Variants in GRIK1 observed in about 807,000 individuals in gnomAD.
The protein encoded by GRIK1 is glutamate ionotropic receptor kainate type subunit 1, also known as glutamate receptor ionotropic, kainate 1.
In GRIK1, 69 loss-of-function variants were observed where a neutral mutation model predicts 105.7. The observed-to-expected ratio is 0.65, with a 90% CI of 0.54 to 0.80. GRIK1 has a LOEUF of 0.80. GRIK1 is among the 30% of genes least tolerant of loss of function. The probability of loss-of-function intolerance (pLI) is 0.00; values close to 1 mark genes in which losing one functional copy is unlikely to be tolerated. For missense variants in GRIK1, 1,109 were observed against 1,167.3 expected, an observed-to-expected ratio of 0.95 and a Z score of 0.73; for synonymous variants, 438 against 431.3, an observed-to-expected ratio of 1.02 and a Z score of -0.19.
chr21:29,802,931 G>A (rs887515486), intron 1 of GRIK1, among the ~76,000 whole-genome samples: 1 of 152,180 alleles, frequency 6.6e-6, no homozygotes. Context: ...ATGCATGGCT[G>A]AAATGTGCTG....
In GRIK1 at chr21:29,929,677, C is replaced by T. The variant is rs543769409; in HGVS notation, c.118+9706G>A. Reference sequence around the variant, plus strand: ...AGAAAAGAAAATTAACAAATGCTGGCGAGGATGTGGTGAAAAGGCAACTCT... The same window carrying T: ...AGAAAAGAAAATTAACAAATGCTGGTGAGGATGTGGTGAAAAGGCAACTCT... On this transcript the variant is annotated intron_variant, in intron 1 of 17. Coordinates refer to ENST00000327783, the MANE Select transcript of GRIK1 (RefSeq NM_001330994.2). Among the ~76,000 whole-genome samples the T allele has an allele frequency of 1.2e-4, 19 of 152,100 alleles. No individual in the cohort carries two copies. In the South Asian group the frequency reaches 2.9e-3, roughly 23 times the overall value.
Position 29,939,497 on chromosome 21 carries a change from C to A in GRIK1, c.4G>T (p.Glu2Ter). The A allele has an allele frequency of 6.4e-7, 1 of 1,569,082 alleles. No individual in the cohort carries two copies. The highest frequency in any genetic ancestry group is 8.7e-7 in the Non-Finnish European group (1 of 1,155,780). ...GGCTGGGCGAGGAGTGTGCCGTGCTCCATCTTCCTAGCTTCTTAATTCATG... is the reference window on the plus strand; with the variant it reads ...GGCTGGGCGAGGAGTGTGCCGTGCTACATCTTCCTAGCTTCTTAATTCATG... The part of the protein sequence containing the change: M[E>*]HGTLLAQPGL... Residue 2 changes from glutamate (E) to a stop codon, truncating the protein, a stop_gained, in exon 1 of 18, where the codon GAG (glutamate) becomes TAG (stop). Transcript: ENST00000327783. LOFTEE classifies it high-confidence loss of function.
chr21:29,644,179 A>G (rs2062571274), intron 6 of GRIK1, among the ~76,000 whole-genome samples: 1 of 152,180 alleles, frequency 6.6e-6, no homozygotes, highest in Admixed American at 6.5e-5. Context: ...GACAGGGGTT[A>G]CTATATCTCA....
At chr21:29,775,314 C>T (rs1035615499) in intron 1 of GRIK1, among the ~76,000 whole-genome samples, 5 of 149,196 alleles carry the variant, frequency 3.4e-5, no homozygotes, top group African/African-American at 9.9e-5. Flanking sequence ...CCAATAGTTG[C>T]TTTGTCAATA....
intron 7 of GRIK1, among the ~76,000 whole-genome samples, chr21:29,614,974 G>T (rs1411317318): frequency 6.6e-6 from 1 of 151,516 alleles, no homozygotes; most frequent in Admixed American, 6.6e-5. Flanking sequence ...GGTATCTCTT[G>T]TGTACACTAA....
chr21:29,908,154 T>C (rs191412984), intron 1 of GRIK1, among the ~76,000 whole-genome samples: 207 of 152,236 alleles, frequency 1.4e-3, no homozygotes, highest in African/African-American at 4.9e-3. Context: ...CCAATTTCTA[T>C]AGCCGAAAAA....
chr21:29,591,169 C>G lies in GRIK1; in HGVS notation c.1308G>C (p.Lys436Asn). 6.2e-7 allele frequency: 1 copy of G among 1,612,414 alleles called. No individual in the cohort carries two copies. The highest frequency in any genetic ancestry group is 8.5e-7 in the Non-Finnish European group (1 of 1,178,454). The stretch of plus-strand genomic sequence containing the variant: ...CCAATGAATCAGTGATATTGCTGGA[C>G]TTGTCTTTGTTGCTGTCCGTCATGT... ...GLNMTDSNKDKSSNITDSLAN... is the reference protein window; with the variant it reads ...GLNMTDSNKDNSSNITDSLAN... Residue 436 changes from lysine (K) to asparagine (N), a missense_variant, in exon 10 of 18, where the codon AAG (lysine) becomes AAC (asparagine). By Grantham distance (94) the Lys-to-Asn change is moderately conservative. This residue lies in a region of GRIK1 where 612 missense variants were observed against 586.0 expected (regional missense o/e 1.04). Transcript: ENST00000327783.
chr21:29,661,829 C>G (rs1008959543), intron 4 of GRIK1, among the ~76,000 whole-genome samples: 1 of 152,130 alleles, frequency 6.6e-6, no homozygotes, highest in African/African-American at 2.4e-5. Context: ...TGACTTTTTT[C>G]ATTTGAGGTT....
chr21:29,924,060 C>G (rs773349624), intron 1 of GRIK1, among the ~76,000 whole-genome samples: 4 of 152,038 alleles, frequency 2.6e-5, no homozygotes, highest in Non-Finnish European at 5.9e-5. Context: ...AAGGTTAAGG[C>G]CGGGCGCGGT....
Position 29,888,199 on chromosome 21 carries a change from C to CTTTCTTCCTT in GRIK1, c.118+51183_118+51184insAAGGAAGAAA, listed in dbSNP as rs1391865067. Among the ~76,000 whole-genome samples the CTTTCTTCCTT allele has an allele frequency of 7.6e-4, 12 of 15,818 alleles. 1 individual carries two copies. The highest frequency in any genetic ancestry group is 3.7e-3 in the South Asian group (1 of 272). 10.4% of individuals were successfully genotyped at this position (15,818 alleles called of 152,430 possible). A position where few individuals can be genotyped will look rare whatever the true frequency, so the allele number is the denominator to read the frequency against. On this transcript the variant is annotated intron_variant, in intron 1 of 17. Coordinates refer to ENST00000327783, the MANE Select transcript of GRIK1 (RefSeq NM_001330994.2). ...TTTCTTTCTTCCTTTCTTTCTTTCT[C>CTTTCTTCCTT]TCTCTCTCTCTCTCTCTCTCTCTCT...
chr21:29,721,824 CCTTCAATAGCCT>C (rs1165735401), intron 1 of GRIK1, among the ~76,000 whole-genome samples: 1 of 152,060 alleles, frequency 6.6e-6, no homozygotes, highest in East Asian at 1.9e-4. Flanking sequence ...TTCCATCTAC[CCTTCAATAGCCT>C]CTCCTGCATC....
At chr21:29,750,185 C>CAA (rs751685660) in intron 1 of GRIK1, among the ~76,000 whole-genome samples, 4 of 151,442 alleles carry the variant, frequency 2.6e-5, no homozygotes, top group Non-Finnish European at 5.9e-5. Context: ...AACTAGTCAC[C>CAA]CTATTTTTAG....
At chr21:29,620,814 TATATA>T (rs1568897742) in intron 7 of GRIK1, among the ~76,000 whole-genome samples, 3 of 106,452 alleles carry the variant, frequency 2.8e-5, no homozygotes, top group African/African-American at 1.7e-4. Flanking sequence ...TAGATATATA[TATATA>T]GTAATAATAT....
intron 1 of GRIK1, among the ~76,000 whole-genome samples, chr21:29,848,813 G>C (rs2068219970): frequency 8.4e-6 from 1 of 118,950 alleles, no homozygotes; most frequent in African/African-American, 3.7e-5. Flanking sequence ...CACCTTAGCT[G>C]TTTGGTATAC....
intron 1 of GRIK1, among the ~76,000 whole-genome samples, chr21:29,877,974 G>A (rs1032293263): frequency 3.3e-5 from 5 of 152,154 alleles, no homozygotes; most frequent in African/African-American, 4.8e-5. Context: ...TTGAATATAG[G>A]TGGAATGTGG....
At chr21:29,935,153 G>A (rs1326217185) in intron 1 of GRIK1, among the ~76,000 whole-genome samples, 2 of 152,152 alleles carry the variant, frequency 1.3e-5, no homozygotes. Flanking sequence ...TATGCACTTG[G>A]AAGCTAGAAC....
intron 1 of GRIK1, among the ~76,000 whole-genome samples, chr21:29,815,272 C>T (rs1005409436): frequency 3.3e-5 from 5 of 152,150 alleles, no homozygotes; most frequent in African/African-American, 1.2e-4. Context: ...TTCCTAACTG[C>T]ATGACTTTAG....
chr21:29,895,986 C>A (rs2070137669), intron 1 of GRIK1, among the ~76,000 whole-genome samples: 1 of 152,140 alleles, frequency 6.6e-6, no homozygotes, highest in Non-Finnish European at 1.5e-5. Flanking sequence ...CTGAAATAAC[C>A]AAGGCACATA....
chr21:29,789,105 C>T (rs897335441), intron 1 of GRIK1, among the ~76,000 whole-genome samples: 1 of 152,168 alleles, frequency 6.6e-6, no homozygotes, highest in African/African-American at 2.4e-5. Context: ...GACCTGTGCT[C>T]CTTAATATCA....
Sources: gnomAD v4.1 joint callset for allele counts (sites outside exome capture counted in the v4.1 genomes callset) on GRCh38, gnomAD v4.1.1 for gene constraint, gnomAD v4.1.1 regional missense constraint, MANE v1.5 for transcripts, NCBI Gene and HGNC (gene_info 2026-07-23, HGNC 2026-07-21) for gene names.